The following GRM5 variants were observed in gnomAD, a reference collection of about 807,000 sequenced individuals.
The protein encoded by GRM5 is glutamate metabotropic receptor 5, also known as metabotropic glutamate receptor 5.
A neutral mutation model predicts 83.1 loss-of-function variants in GRM5; 19 were observed. The ratio of observed to expected loss-of-function variants is 0.23; its 90% CI spans 0.16 to 0.34. The LOEUF is 0.34. Among genes scored for constraint, GRM5 ranks in the 10% least tolerant of loss-of-function variants. The pLI, the probability that GRM5 is intolerant of heterozygous loss-of-function variation, is 1.00. For missense variants in GRM5, 1,160 were observed against 1,588.3 expected (o/e 0.73, Z 4.58); for synonymous variants, 675 against 633.6 (o/e 1.07, Z -0.98).
intron 2 of GRM5, among the ~76,000 whole-genome samples, chr11:88,967,246 CACAT>C (rs1292901156): frequency 1.8e-4 from 19 of 104,618 alleles, no homozygotes; most frequent in East Asian, 2.7e-4. Flanking sequence ...TATATATATA[CACAT>C]ATATATATAT....
In GRM5 at chr11:88,554,834, G is replaced by A. The variant is rs182785910; in HGVS notation, c.2630+12219C>T. Among the ~76,000 whole-genome samples, 100 of 152,304 alleles carry A rather than the reference G, an allele frequency of 6.6e-4. 1 individual carries two copies. Among genetic ancestry groups the A allele is most frequent in the Middle Eastern group, 3.4e-3 (1 of 294 alleles). On this transcript the variant is annotated intron_variant, in intron 8 of 9. Coordinates refer to ENST00000305447, the MANE Select transcript of GRM5 (RefSeq NM_001143831.3). ...TGCTATGGAATTTACCAGATGGGCA[G>A]AGTGGAGAGTATGCTTAATAACCAA...
intron 8 of GRM5, among the ~76,000 whole-genome samples, chr11:88,532,020 C>T (rs962233228): frequency 2.6e-5 from 4 of 151,998 alleles, no homozygotes; most frequent in Non-Finnish European, 5.9e-5. Flanking sequence ...TATTTTACTT[C>T]ATGCTATAAT....
chr11:88,524,724 T>C (rs1209141797), intron 9 of GRM5, among the ~76,000 whole-genome samples: 1 of 152,198 alleles, frequency 6.6e-6, no homozygotes, highest in Non-Finnish European at 1.5e-5. Context: ...TGCAAAGCTA[T>C]GGTAGCTAGA....
intron 2 of GRM5, among the ~76,000 whole-genome samples, chr11:88,907,225 C>T (rs1015443648): frequency 6.6e-6 from 1 of 152,022 alleles, no homozygotes; most frequent in African/African-American, 2.4e-5. Context: ...GTTATGTCAG[C>T]CCTGTGGATG....
intron 3 of GRM5, among the ~76,000 whole-genome samples, chr11:88,716,029 A>G (rs986992903): frequency 6.6e-6 from 1 of 151,980 alleles, no homozygotes; most frequent in African/African-American, 2.4e-5. Flanking sequence ...ACTTTCTATC[A>G]TTACAGAACT....
At chr11:88,835,042 G>C (rs1944067804) in intron 3 of GRM5, among the ~76,000 whole-genome samples, 1 of 152,132 alleles carries the variant, frequency 6.6e-6, no homozygotes, top group Non-Finnish European at 1.5e-5. Context: ...TGAAAGGTAT[G>C]AAGATTTATA....
intron 2 of GRM5, among the ~76,000 whole-genome samples, chr11:88,857,305 TGA>T (rs1195564809): frequency 6.6e-6 from 1 of 152,090 alleles, no homozygotes; most frequent in East Asian, 1.9e-4. Context: ...CTTGAATAAA[TGA>T]GAGTTGTTTT....
intron 3 of GRM5, among the ~76,000 whole-genome samples, chr11:88,806,236 GGGA>G (rs950671827): frequency 6.6e-6 from 1 of 152,266 alleles, no homozygotes; most frequent in Non-Finnish European, 1.5e-5. Flanking sequence ...TAGGTCCACA[GGGA>G]GGAGGAGAGC....
chr11:88,596,562 T>C (rs1167680526), intron 6 of GRM5, among the ~76,000 whole-genome samples: 10 of 152,174 alleles, frequency 6.6e-5, no homozygotes, highest in Non-Finnish European at 1.2e-4. Flanking sequence ...CAGTCTTCAA[T>C]TGACCACTTT....
At chr11:88,842,361 C>T (rs1347020066) in intron 3 of GRM5, among the ~76,000 whole-genome samples, 2 of 152,146 alleles carry the variant, frequency 1.3e-5, no homozygotes, top group Admixed American at 6.5e-5. Context: ...CTGTAGATTT[C>T]ATTCTTCATT....
At chr11:88,522,569 T>TCTTCTC (rs1941724932) in intron 9 of GRM5, among the ~76,000 whole-genome samples, 1 of 138,892 alleles carries the variant, frequency 7.2e-6, no homozygotes, top group Non-Finnish European at 1.6e-5. Context: ...CAGGTCTCTC[T>TCTTCTC]TCTCTCTCTC....
chr11:89,004,210 G>A (rs1940464391), intron 2 of GRM5, among the ~76,000 whole-genome samples: 2 of 152,104 alleles, frequency 1.3e-5, no homozygotes, highest in African/African-American at 4.8e-5. Flanking sequence ...GCAAGAGGCT[G>A]GACCAAATGA....
chr11:88,686,505 A>G (rs1284590924), intron 3 of GRM5, among the ~76,000 whole-genome samples: 1 of 152,120 alleles, frequency 6.6e-6, no homozygotes. Flanking sequence ...TGGTTTTGAA[A>G]TGTGAAGGCA....
intron 1 of GRM5, among the ~76,000 whole-genome samples, chr11:89,060,590 T>C (rs1413402813): frequency 2.0e-5 from 3 of 152,182 alleles, no homozygotes; most frequent in African/African-American, 7.2e-5. Context: ...TAATAAATAG[T>C]AGTTATTAGA....
At chr11:88,937,380 T>C (rs1378391790) in intron 2 of GRM5, among the ~76,000 whole-genome samples, 1 of 151,732 alleles carries the variant, frequency 6.6e-6, no homozygotes, top group African/African-American at 2.4e-5. Flanking sequence ...TTACTTGTCT[T>C]CTTTCAACAT....
At chr11:88,659,393 C>T (rs1022858182) in intron 3 of GRM5, among the ~76,000 whole-genome samples, 2 of 152,074 alleles carry the variant, frequency 1.3e-5, no homozygotes, top group Admixed American at 6.6e-5. Context: ...GTTAAAAATG[C>T]AAGTTAACAA....
At chr11:89,064,915 T>TGTGTGTGTGTGTGTGA (rs1431752395) in intron 1 of GRM5, among the ~76,000 whole-genome samples, 7 of 58,032 alleles carry the variant, frequency 1.2e-4, no homozygotes, top group African/African-American at 4.5e-4. Context: ...TGTGTGTGTG[T>TGTGTGTGTGTGTGTGA]GAGAGAGAGA....
intron 1 of GRM5, among the ~76,000 whole-genome samples, chr11:89,054,879 T>C (rs1402127616): frequency 1.3e-5 from 2 of 152,226 alleles, no homozygotes; most frequent in African/African-American, 4.8e-5. Flanking sequence ...CTCTGGGTAG[T>C]AAAAATATAG....
intron 1 of GRM5, among the ~76,000 whole-genome samples, chr11:89,062,244 A>G (rs1942011330): frequency 6.6e-6 from 1 of 152,264 alleles, no homozygotes; most frequent in Admixed American, 6.5e-5. Flanking sequence ...CCTGCACTCC[A>G]TAAAGAAAAC....
Sources: gnomAD v4.1 joint callset for allele counts (sites outside exome capture counted in the v4.1 genomes callset) on GRCh38, gnomAD v4.1.1 for gene constraint, MANE v1.5 for transcripts, NCBI Gene and HGNC (gene_info 2026-07-23, HGNC 2026-07-21) for gene names.